Variants in STK32B observed in about 807,000 individuals in gnomAD.
The protein encoded by STK32B is serine/threonine kinase 32B.
In STK32B, 43 loss-of-function variants were observed where a neutral mutation model predicts 52.6. The ratio of observed to expected loss-of-function variants is 0.82; its 90% CI spans 0.64 to 1.05. STK32B has a LOEUF of 1.05. STK32B is among the 50% of genes least tolerant of loss of function. STK32B has a pLI of 0.00. For synonymous variants in STK32B, 238 were observed against 204.3 expected (o/e 1.17, Z -1.41); for missense variants, 621 against 534.6 (o/e 1.16, Z -1.59).
chr4:5,202,217 C>G (rs1722206914), intron 3 of STK32B, among the ~76,000 whole-genome samples: 1 of 152,248 alleles, frequency 6.6e-6, no homozygotes, highest in African/African-American at 2.4e-5. Flanking sequence ...TGAAACCCAG[C>G]AGGGCAACCA....
chr4:5,380,285 A>G lies in STK32B; in HGVS notation c.435-17922A>G, dbSNP rs979500303. 6.6e-6 allele frequency among the ~76,000 whole-genome samples: 1 copy of G among 152,240 alleles called. No individual in the cohort carries two copies. Among genetic ancestry groups the G allele is most frequent in the East Asian group, 1.9e-4 (1 of 5,176 alleles). ...CCCATGGCCACGCACACCCTGATCT[A>G]TTTAATCCAGGCCCTCGCTTCCCTC... On this transcript the variant is annotated intron_variant, in intron 4 of 11. Coordinates refer to ENST00000282908, the MANE Select transcript of STK32B (RefSeq NM_018401.3). The surrounding 1 kb of genome is among the most constrained non-coding windows in gnomAD (Gnocchi z 4.3).
At position 5,338,776 on chromosome 4, in the gene STK32B, A is replaced by G. The variant is rs545780640; in HGVS notation, c.434+7383A>G. On this transcript the variant is annotated intron_variant, in intron 4 of 11. Coordinates refer to ENST00000282908, the MANE Select transcript of STK32B (RefSeq NM_018401.3). ...TCATCTGCTCTTAGATTCCAGATCT[A>G]CCCTGGGGAAAAGGAGATATCCAGT... Among the ~76,000 whole-genome samples, 36 of 152,320 alleles carry G rather than the reference A, an allele frequency of 2.4e-4. 1 individual carries two copies. Among genetic ancestry groups the G allele is most frequent in the African/African-American group, 8.7e-4 (36 of 41,584 alleles).
intron 3 of STK32B, among the ~76,000 whole-genome samples, chr4:5,324,143 C>T (rs532109791): frequency 4.5e-4 from 69 of 152,288 alleles, no homozygotes; most frequent in Admixed American, 9.8e-4. Context: ...CACTTGAGGT[C>T]GGGAGTTCAA....
At chr4:5,496,576 C>T (rs1045926009) in intron 11 of STK32B, among the ~76,000 whole-genome samples, 1 of 149,662 alleles carries the variant, frequency 6.7e-6, no homozygotes, top group Non-Finnish European at 1.5e-5. Flanking sequence ...TGCCCACTGT[C>T]TGGCACTCCC....
intron 2 of STK32B, among the ~76,000 whole-genome samples, chr4:5,166,032 A>G (rs556991478): frequency 1.3e-5 from 2 of 152,272 alleles, no homozygotes; most frequent in South Asian, 2.1e-4. Context: ...AGAGAGGCAC[A>G]AAGAACCAAA....
intron 1 of STK32B, among the ~76,000 whole-genome samples, chr4:5,118,718 G>A (rs1714870890): frequency 6.6e-6 from 1 of 152,148 alleles, no homozygotes. Flanking sequence ...TGCTCAGAAG[G>A]TAAATTCCAC....
chr4:5,083,739 T>TG (rs1712560687), intron 1 of STK32B, among the ~76,000 whole-genome samples: 2 of 125,164 alleles, frequency 1.6e-5, no homozygotes, highest in African/African-American at 5.5e-5. Flanking sequence ...TTCTGTTACC[T>TG]ATTTTTTTTT....
At position 5,396,287 on chromosome 4, in the gene STK32B, G is replaced by A. The variant is rs1736915785; in HGVS notation, c.435-1920G>A. Among the ~76,000 whole-genome samples, 1 of 152,130 alleles carries A rather than the reference G, an allele frequency of 6.6e-6. No individual in the cohort carries two copies. The highest frequency in any genetic ancestry group is 2.4e-5 in the African/African-American group (1 of 41,428). On this transcript the variant is annotated intron_variant, in intron 4 of 11. Transcript: ENST00000282908. This position sits in a 1 kb window ranked among gnomAD's most constrained non-coding sequence, Gnocchi z 4.7. ...TCTGGTTCATGGCTGCATCACTCCA[G>A]TATCTGCTTCCATCTCCCCATGGCC...
chr4:5,042,178 G>A, the STK32B span, among the ~76,000 whole-genome samples: 1 of 152,200 alleles, frequency 6.6e-6, no homozygotes, highest in Non-Finnish European at 1.5e-5. Context: ...TCATATTTCT[G>A]TGCCTACATT....
intron 3 of STK32B, among the ~76,000 whole-genome samples, chr4:5,191,787 A>G (rs1721224193): frequency 6.6e-6 from 1 of 152,246 alleles, no homozygotes; most frequent in African/African-American, 2.4e-5. Context: ...CAAAAAAAGA[A>G]TTACGGGCTT....
chr4:5,085,816 C>G (rs997713634), intron 1 of STK32B, among the ~76,000 whole-genome samples: 11 of 152,188 alleles, frequency 7.2e-5, no homozygotes, highest in African/African-American at 2.4e-4. Context: ...GTCTCATTCC[C>G]CATTTACTAT....
At chr4:5,052,015 G>A in intron 1 of STK32B, 100 bp downstream of exon 1, 3 of 1,517,056 alleles carry the variant, frequency 2.0e-6, no homozygotes, top group Non-Finnish European at 1.8e-6. Context: ...GCCCGGCGCG[G>A]GGACCCAGGC....
At chr4:5,247,168 G>C (rs964685959) in intron 3 of STK32B, among the ~76,000 whole-genome samples, 1 of 152,228 alleles carries the variant, frequency 6.6e-6, no homozygotes, top group African/African-American at 2.4e-5. Flanking sequence ...CCTGCCCCCA[G>C]AGGTGGAGCC....
intron 3 of STK32B, among the ~76,000 whole-genome samples, chr4:5,328,936 G>A (rs1189968962): frequency 1.3e-5 from 2 of 152,180 alleles, no homozygotes; most frequent in Non-Finnish European, 1.5e-5. Flanking sequence ...GGCCGGGCGC[G>A]GTGGCTCATG....
chr4:5,466,913 CA>C lies in STK32B; in HGVS notation c.1041+84del, dbSNP rs143292895. 823 of 1,496,962 alleles carry C rather than the reference CA, an allele frequency of 5.5e-4. 6 individuals are homozygous for C. Among genetic ancestry groups the C allele is most frequent in the Non-Finnish European group, 2.4e-4 (273 of 1,118,796 alleles). 92.7% of individuals were successfully genotyped at this position (1,496,962 alleles called of 1,614,324 possible). On this transcript the variant is annotated intron_variant, in intron 10 of 11. Transcript: ENST00000282908. ...ATGACTGAGCCAGGCCACTGTTTAG[CA>C]AAAAGGGGACATTTCAATCCTCCCT...
chr4:5,071,784 C>T (rs1406160020), intron 1 of STK32B, among the ~76,000 whole-genome samples: 2 of 152,166 alleles, frequency 1.3e-5, no homozygotes, highest in Non-Finnish European at 2.9e-5. Context: ...TGTTTCTGAT[C>T]TTTCTGAGGT....
chr4:5,100,444 T>TC (rs1560151044), intron 1 of STK32B, among the ~76,000 whole-genome samples: 2 of 139,164 alleles, frequency 1.4e-5, no homozygotes, highest in African/African-American at 5.5e-5. Context: ...CTTCCTCCTT[T>TC]CTTCCTTCCT....
In STK32B at chr4:5,441,001, T is replaced by G. The variant is rs549437336; in HGVS notation, c.563-5672T>G. 8.4e-3 allele frequency among the ~76,000 whole-genome samples: 1,264 copies of G among 150,092 alleles called. 9 individuals are homozygous for G. The highest frequency in any genetic ancestry group is 0.012 in the Non-Finnish European group (810 of 67,228). ...GCTTTTTGATGTGCTGCTGGATTCGTTTTGCCAGTATTTTATTGAGGATTT... is the reference window on the plus strand; with the variant it reads ...GCTTTTTGATGTGCTGCTGGATTCGGTTTGCCAGTATTTTATTGAGGATTT... On this transcript the variant is annotated intron_variant, in intron 6 of 11. Coordinates refer to ENST00000282908, the MANE Select transcript of STK32B (RefSeq NM_018401.3).
At position 5,051,622 on chromosome 4, in the gene STK32B, G is replaced by A. The variant is rs981766326; in HGVS notation, c.-242G>A. On this transcript the variant is annotated 5_prime_UTR_variant, in exon 1 of 12. Transcript: ENST00000282908. ...GAGTAAGGAGCTGCGAGCGCAGCCC[G>A]AGGCGGGGCACGGCGGAAGGCGCGG... 2.5e-5 allele frequency: 13 copies of A among 513,420 alleles called. No homozygotes were observed. Among genetic ancestry groups the A allele is most frequent in the Non-Finnish European group, 3.7e-5 (11 of 298,126 alleles). The allele number at this position is 513,420 out of a possible 1,614,324, so 31.8% of individuals were successfully genotyped here. A position where few individuals can be genotyped will look rare whatever the true frequency, so the allele number is the denominator to read the frequency against.
Sources: allele counts gnomAD v4.1 joint callset (sites outside exome capture counted in the v4.1 genomes callset), GRCh38; gene constraint gnomAD v4.1.1; non-coding constraint Gnocchi (gnomAD v3.1); transcripts MANE v1.5; gene names NCBI Gene and HGNC (gene_info 2026-07-23, HGNC 2026-07-21).